ATF2: variants seen among roughly 807,000 people sequenced by gnomAD.
ATF2 encodes the protein activating transcription factor 2, also known as cyclic AMP-dependent transcription factor ATF-2.
A neutral mutation model predicts 60.6 loss-of-function variants in ATF2; 24 were observed. That is an observed-to-expected ratio of 0.40 (90% CI 0.29 to 0.56). The LOEUF is 0.56. Ranked by LOEUF, ATF2 falls within the 20% of genes least tolerant of loss-of-function variation. The pLI is 0.54. For synonymous variants in ATF2, 206 were observed against 215.4 expected, an observed-to-expected ratio of 0.96 and a Z score of 0.38; for missense variants, 433 against 607.7, an observed-to-expected ratio of 0.71 and a Z score of 3.02.
intron 1 of ATF2, among the ~76,000 whole-genome samples, chr2:175,152,153 C>T (rs2163877): frequency 1.3e-5 from 2 of 152,136 alleles, no homozygotes; most frequent in African/African-American, 4.8e-5. Flanking sequence ...TTATTTCATT[C>T]TAAAATGTAA....
chr2:175,101,369 T>G (rs1041148606), intron 10 of ATF2, among the ~76,000 whole-genome samples: 3 of 152,216 alleles, frequency 2.0e-5, no homozygotes, highest in African/African-American at 7.2e-5. Context: ...CATATTTATA[T>G]ATTTTATAAA....
intron 4 of ATF2, among the ~76,000 whole-genome samples, chr2:175,124,087 T>TTC (rs869068125): frequency 2.2e-3 from 1 of 448 alleles, no homozygotes; most frequent in African/African-American, 2.7e-3. Flanking sequence ...AGTCAAATTA[T>TTC]ATTCCAAGAA....
At chr2:175,106,736 T>C (rs189473842) in intron 10 of ATF2, among the ~76,000 whole-genome samples, 1 of 152,064 alleles carries the variant, frequency 6.6e-6, no homozygotes, top group East Asian at 1.9e-4. Context: ...CTCGGGAGGC[T>C]GAGGCAGGAA....
At chr2:175,097,887 T>C (rs1018566518) in intron 10 of ATF2, among the ~76,000 whole-genome samples, 1 of 152,186 alleles carries the variant, frequency 6.6e-6, no homozygotes, top group Non-Finnish European at 1.5e-5. Flanking sequence ...TTGTCTCTCT[T>C]AGGTTTTCCC....
At chr2:175,164,418 T>TA (rs373582591) in intron 1 of ATF2, among the ~76,000 whole-genome samples, 79 of 152,068 alleles carry the variant, frequency 5.2e-4, no homozygotes, top group African/African-American at 1.8e-3. Flanking sequence ...CCTGTAATCC[T>TA]AGTTATTCGG....
intron 13 of ATF2, among the ~76,000 whole-genome samples, chr2:175,079,363 G>A (rs750929802): frequency 6.6e-5 from 10 of 151,982 alleles, no homozygotes; most frequent in Non-Finnish European, 1.3e-4. Context: ...AGAAAATCAC[G>A]TATGCATAAA....
intron 3 of ATF2, among the ~76,000 whole-genome samples, chr2:175,130,904 A>G (rs192270593): frequency 3.3e-5 from 5 of 152,322 alleles, no homozygotes; most frequent in African/African-American, 1.2e-4. Context: ...ACTGAGGATC[A>G]TAAGTTAATC....
At chr2:175,158,484 T>C (rs1234326342) in intron 1 of ATF2, among the ~76,000 whole-genome samples, 2 of 152,108 alleles carry the variant, frequency 1.3e-5, no homozygotes, top group Non-Finnish European at 2.9e-5. Context: ...TATCCAGGGA[T>C]AATTTTAAAA....
At chr2:175,110,263 A>G (rs1371524215) in intron 10 of ATF2, among the ~76,000 whole-genome samples, 1 of 152,098 alleles carries the variant, frequency 6.6e-6, no homozygotes, top group African/African-American at 2.4e-5. Context: ...TGAACCCAGG[A>G]GGCGGAGGTT....
chr2:175,085,553 TACACACACACACACAC>T (rs56804408), intron 12 of ATF2, among the ~76,000 whole-genome samples: 32 of 141,420 alleles, frequency 2.3e-4, no homozygotes, highest in African/African-American at 3.8e-4. Context: ...ATACATAACA[TACACACACACACACAC>T]ACACACACAC....
chr2:175,144,473 T>C (rs763096114), intron 2 of ATF2, among the ~76,000 whole-genome samples: 12 of 152,132 alleles, frequency 7.9e-5, no homozygotes, highest in Non-Finnish European at 7.4e-5. Context: ...AAAAACATTT[T>C]AAGAAAAGAT....
In ATF2 at chr2:175,118,055, C is replaced by A; in HGVS notation, c.382G>T (p.Val128Phe). The A allele has an allele frequency of 6.2e-7, 1 of 1,612,122 alleles. No individual in the cohort carries two copies. Among genetic ancestry groups the A allele is most frequent in the Non-Finnish European group, 8.5e-7 (1 of 1,178,692 alleles). ...CTATCCTGGTGAGTTGTTTCTACAACAGAAGGCTCCTCAATTTTGCTTCTT... is the reference window on the plus strand; with the variant it reads ...CTATCCTGGTGAGTTGTTTCTACAAAAGAAGGCTCCTCAATTTTGCTTCTT... ...IIRSKIEEPS[V>F]VETTHQDSPL... is the part of the protein sequence containing the mutation. Residue 128 changes from valine to phenylalanine, a missense_variant, in exon 7 of 14, where the codon GTT becomes TTT. This residue lies in a region of ATF2 where 246 missense variants were observed against 309.3 expected (regional missense o/e 0.80). Transcript: ENST00000264110.
At chr2:175,107,821 G>C (rs897007472) in intron 10 of ATF2, among the ~76,000 whole-genome samples, 1 of 152,168 alleles carries the variant, frequency 6.6e-6, no homozygotes, top group Admixed American at 6.5e-5. Context: ...TGCCAGCCTC[G>C]GCCCCCCGAG....
chr2:175,085,203 G>A (rs1228850778), intron 12 of ATF2, among the ~76,000 whole-genome samples: 1 of 152,122 alleles, frequency 6.6e-6, no homozygotes, highest in East Asian at 1.9e-4. Context: ...AGTACTGAAA[G>A]TGTTATGTGT....
chr2:175,132,816 TGGCTCATGCCTGCAATCCCA>T (rs1697830280), intron 3 of ATF2: 1 of 152,238 alleles, frequency 6.6e-6, no homozygotes. Flanking sequence ...CCAGGTGTGG[TGGCTCATGCCTGCAATCCCA>T]GCACTCTGGG....
intron 1 of ATF2, among the ~76,000 whole-genome samples, chr2:175,160,037 C>T (rs1184098247): frequency 6.6e-6 from 1 of 152,096 alleles, no homozygotes; most frequent in East Asian, 1.9e-4. Context: ...ATAGTCATCA[C>T]CATTATGAAA....
At chr2:175,085,581 C>CAG (rs1694108354) in intron 12 of ATF2, among the ~76,000 whole-genome samples, 1 of 149,762 alleles carries the variant, frequency 6.7e-6, no homozygotes, top group Non-Finnish European at 1.5e-5. Flanking sequence ...CACACACACA[C>CAG]ACACACACAC....
At position 175,152,286 on chromosome 2, in the gene ATF2, C is replaced by T. The variant is rs112053127; in HGVS notation, c.-142-1128G>A. On this transcript the variant is annotated intron_variant, in intron 1 of 13. Coordinates refer to ENST00000264110, the MANE Select transcript of ATF2 (RefSeq NM_001880.4). ...GACTTCTTTAATATGTAAGGCTAAT[C>T]TATAGGTGACAAAAGAAAGGAAAAA... 1.9e-3 allele frequency among the ~76,000 whole-genome samples: 294 copies of T among 152,240 alleles called. 1 individual carries two copies. Among genetic ancestry groups the T allele is most frequent in the African/African-American group, 6.9e-3 (285 of 41,574 alleles).
chr2:175,092,982 G>A (rs1005222106), intron 12 of ATF2, 79 bp downstream of exon 12: 138 of 1,464,674 alleles, frequency 9.4e-5, no homozygotes, highest in Non-Finnish European at 1.3e-4. Context: ...ATGTTTGGAG[G>A]CCCAACTAGG....
Sources: allele counts gnomAD v4.1 joint callset (sites outside exome capture counted in the v4.1 genomes callset), GRCh38; gene constraint gnomAD v4.1.1; regional missense constraint gnomAD v4.1.1; transcripts MANE v1.5; gene names NCBI Gene and HGNC (gene_info 2026-07-23, HGNC 2026-07-21).